ANKRD44: variants seen among roughly 807,000 people sequenced by gnomAD.
The protein encoded by ANKRD44 is ankyrin repeat domain 44.
Under a neutral mutation model 116.0 loss-of-function variants are expected in ANKRD44, and 35 were observed. That is an observed-to-expected ratio of 0.30 (90% CI 0.23 to 0.40). The LOEUF is 0.40. ANKRD44 is among the 10% of genes least tolerant of loss of function. The pLI, the probability that ANKRD44 is intolerant of heterozygous loss-of-function variation, is 1.00. For missense variants in ANKRD44, 1,014 were observed against 1,242.6 expected (o/e 0.82, Z 2.77); for synonymous variants, 435 against 461.8 (o/e 0.94, Z 0.74).
intron 25 of ANKRD44, among the ~76,000 whole-genome samples, chr2:196,996,860 C>T (rs112917448): frequency 0.12 from 17,225 of 144,500 alleles, 1,102 homozygotes; most frequent in African/African-American, 0.16. Context: ...GCCAAGATTG[C>T]GCCACTGCAC....
At chr2:197,129,320 G>T (rs796809477) in intron 4 of ANKRD44, among the ~76,000 whole-genome samples, 1 of 152,132 alleles carries the variant, frequency 6.6e-6, no homozygotes, top group African/African-American at 2.4e-5. Flanking sequence ...ATTTTTAGTA[G>T]AGACAAGGTT....
chr2:197,105,298 G>A (rs2078399870), intron 9 of ANKRD44, among the ~76,000 whole-genome samples: 4 of 151,964 alleles, frequency 2.6e-5, no homozygotes, highest in Admixed American at 2.0e-4. Flanking sequence ...ATTTTTAGTG[G>A]AGATGAGGTT....
At chr2:197,244,616 G>A (rs550839603) in intron 1 of ANKRD44, among the ~76,000 whole-genome samples, 1 of 152,292 alleles carries the variant, frequency 6.6e-6, no homozygotes, top group East Asian at 1.9e-4. Context: ...AGGGGAGATA[G>A]AAAAATGGAA....
At chr2:196,973,810 G>T (rs1272246010) in intron 21 of ANKRD44, among the ~76,000 whole-genome samples, 1 of 151,870 alleles carries the variant, frequency 6.6e-6, no homozygotes. Flanking sequence ...ATTTCCTATT[G>T]CATTCTATTG....
At chr2:197,150,595 T>C (rs1226772877) in intron 2 of ANKRD44, among the ~76,000 whole-genome samples, 3 of 151,798 alleles carry the variant, frequency 2.0e-5, no homozygotes, top group African/African-American at 7.3e-5. Context: ...GAAGTTCATG[T>C]GATAGTCTAA....
intron 1 of ANKRD44, among the ~76,000 whole-genome samples, chr2:197,187,476 C>T (rs2080706847): frequency 6.6e-6 from 1 of 152,136 alleles, no homozygotes; most frequent in South Asian, 2.1e-4. Context: ...ATTGTATCCC[C>T]ACCAACATTG....
chr2:197,218,672 T>C (rs1049504166), intron 1 of ANKRD44, among the ~76,000 whole-genome samples: 1 of 151,638 alleles, frequency 6.6e-6, no homozygotes, highest in African/African-American at 2.4e-5. Flanking sequence ...AAATTAAATA[T>C]TGACTGCCCA....
At chr2:197,090,097 T>A in intron 10 of ANKRD44, 65 bp from the exon 11 acceptor site, 1 of 1,245,512 alleles carries the variant, frequency 8.0e-7, no homozygotes, top group Non-Finnish European at 1.2e-6. Flanking sequence ...GAAGGACAAT[T>A]ACCTTTCTAG....
intron 21 of ANKRD44, among the ~76,000 whole-genome samples, chr2:196,981,046 A>G (rs1369743173): frequency 6.6e-6 from 1 of 152,012 alleles, no homozygotes; most frequent in Non-Finnish European, 1.5e-5. Flanking sequence ...ACCCACTCCC[A>G]TGGTTATATC....
rs2081090046 is a variant in ANKRD44 at position 197,201,465 on chromosome 2, T to C, written c.28-14359A>G. Among the ~76,000 whole-genome samples, 2 of 152,196 alleles carry C rather than the reference T, an allele frequency of 1.3e-5. No homozygotes were observed. Among genetic ancestry groups the C allele is most frequent in the South Asian group, 4.1e-4 (2 of 4,836 alleles). On this transcript the variant is annotated intron_variant, in intron 1 of 27. Transcript: ENST00000282272. The surrounding 1 kb of genome is among the most constrained non-coding windows in gnomAD (Gnocchi z 4.0). ...AAGGCATCAGGGAGATAGGATCCTT[T>C]GGCCTCCTCTGGCCCAACTGACATA...
At chr2:197,016,272 C>T (rs1465244895) in intron 17 of ANKRD44, among the ~76,000 whole-genome samples, 2 of 152,134 alleles carry the variant, frequency 1.3e-5, no homozygotes, top group African/African-American at 2.4e-5. Flanking sequence ...ATGTACATTC[C>T]TGAGGTATTT....
intron 20 of ANKRD44, 68 bp downstream of exon 20, chr2:197,007,738 G>T: frequency 1.9e-6 from 2 of 1,064,612 alleles, no homozygotes; most frequent in Non-Finnish European, 2.8e-6. Context: ...CTTTGTAATT[G>T]TTTGCTAAAA....
rs116943978 is a variant in ANKRD44 at position 197,015,831 on chromosome 2, C to T, written c.1723-2119G>A. 2.7e-3 allele frequency: 1,373 copies of T among 507,682 alleles called. 19 individuals are homozygous for T. The East Asian group carries it at 0.03, about 11-fold the overall frequency. The allele number at this position is 507,682 out of a possible 1,614,324, so 31.4% of individuals were successfully genotyped here. On this transcript the variant is annotated intron_variant, in intron 17 of 27. Transcript: ENST00000282272. ...ATGGTGGTTACAATGAAGGAGGAAACTTTGGTGGTGGTACCTGTGGTGGTG... is the reference window on the plus strand; with the variant it reads ...ATGGTGGTTACAATGAAGGAGGAAATTTTGGTGGTGGTACCTGTGGTGGTG...
At position 197,238,877 on chromosome 2, in the gene ANKRD44, G is replaced by A. The variant is rs568702336; in HGVS notation, c.28-51771C>T. On this transcript the variant is annotated intron_variant, in intron 1 of 27. Transcript: ENST00000282272. ...GTACCACCACGCCTGGCAAATTTTT[G>A]TATTTTCAGTAGAGACGGGGTTTCG... Among the ~76,000 whole-genome samples, 3 of 152,034 alleles carry A rather than the reference G, an allele frequency of 2.0e-5. No individual in the cohort carries two copies. In the East Asian group the frequency reaches 5.8e-4, roughly 30 times the overall value.
At chr2:197,260,442 A>G (rs2082569748) in intron 1 of ANKRD44, among the ~76,000 whole-genome samples, 1 of 152,172 alleles carries the variant, frequency 6.6e-6, no homozygotes, top group African/African-American at 2.4e-5. Flanking sequence ...ATAGTATTCC[A>G]TGGTGTATAT....
chr2:196,987,160 C>T lies in ANKRD44; in HGVS notation c.*2431G>A, dbSNP rs543223287. ...TTGTCACTATCTTAAAATGCTTTTC[C>T]CCTATAATACTGACCTATGGTTTAT... On this transcript the variant is annotated 3_prime_UTR_variant, in exon 28 of 28. Coordinates refer to ENST00000282272, the MANE Select transcript of ANKRD44 (RefSeq NM_001195144.2). The T allele has an allele frequency of 1.3e-4, 132 of 985,160 alleles. No homozygotes were observed. In the African/African-American group the frequency reaches 2.0e-3, roughly 15 times the overall value. The allele number at this position is 985,160 out of a possible 1,614,324, so 61.0% of individuals were successfully genotyped here.
intron 1 of ANKRD44, among the ~76,000 whole-genome samples, chr2:197,273,171 C>T (rs2082948053): frequency 6.6e-6 from 1 of 152,078 alleles, no homozygotes; most frequent in Non-Finnish European, 1.5e-5. Context: ...AGGCCTGCAT[C>T]CTCTGGGACT....
chr2:197,028,799 T>C (rs78908861), intron 16 of ANKRD44: 12,958 of 216,322 alleles, frequency 0.06, 683 homozygotes, highest in African/African-American at 0.15. Context: ...GCTGCCTTTT[T>C]TCCCACCAGA....
intron 2 of ANKRD44, among the ~76,000 whole-genome samples, chr2:197,150,234 C>A (rs1330646606): frequency 1.3e-5 from 2 of 152,098 alleles, no homozygotes; most frequent in Non-Finnish European, 2.9e-5. Flanking sequence ...TGGCTCCCAA[C>A]CTGAAACTTT....
Sources: allele counts gnomAD v4.1 joint callset (sites outside exome capture counted in the v4.1 genomes callset), GRCh38; gene constraint gnomAD v4.1.1; non-coding constraint Gnocchi (gnomAD v3.1); transcripts MANE v1.5; gene names NCBI Gene and HGNC (gene_info 2026-07-23, HGNC 2026-07-21).